UTP14A: variants seen among roughly 807,000 people sequenced by gnomAD.
UTP14A encodes the protein U3 small nucleolar RNA-associated protein 14 homolog A.
Under a neutral mutation model 57.2 loss-of-function variants are expected in UTP14A, and 5 were observed. That is an observed-to-expected ratio of 0.09 (90% confidence interval 0.05 to 0.18). The LOEUF (loss-of-function observed/expected upper bound fraction) is 0.18, where lower values mean the gene tolerates loss of function less well. UTP14A is among the 10% of genes least tolerant of loss of function. The pLI is 1.00. For synonymous variants in UTP14A, 169 were observed against 210.9 expected (o/e 0.80, Z 1.72); for missense variants, 430 against 562.1 (o/e 0.76, Z 2.38).
chrX:129,927,801 C>T (rs1930159199), intron 14 of UTP14A, among the ~76,000 whole-genome samples: 1 of 111,862 alleles, frequency 8.9e-6, no homozygotes, highest in Admixed American at 9.5e-5. Flanking sequence ...GCCACCGTAC[C>T]CTGCCAAAGA....
chrX:129,906,880 T>G (rs949815643), intron 1 of UTP14A, among the ~76,000 whole-genome samples: 1 of 111,305 alleles, frequency 9.0e-6, no homozygotes, highest in African/African-American at 3.3e-5. Context: ...ATAACACTTT[T>G]GATTAGGCTG....
chrX:129,916,942 A>G (rs889020128), intron 6 of UTP14A, among the ~76,000 whole-genome samples: 2 of 111,302 alleles, frequency 1.8e-5, no homozygotes, highest in African/African-American at 6.5e-5. Flanking sequence ...CCTCCCAATA[A>G]TATTTAATGG....
chrX:129,911,983 C>T, intron 6 of UTP14A, 62 bp downstream of exon 6: 1 of 1,163,543 alleles, frequency 8.6e-7, no homozygotes, highest in Non-Finnish European at 1.2e-6. Flanking sequence ...TCAGAGCCTG[C>T]AATTGATTTG....
chrX:129,928,048 G>A (rs1390185045), intron 14 of UTP14A, among the ~76,000 whole-genome samples: 1 of 110,149 alleles, frequency 9.1e-6, no homozygotes, highest in Non-Finnish European at 1.9e-5. Context: ...TCAATATCTA[G>A]GGCCTTCCAG....
At chrX:129,909,441 C>T (rs754228564) in intron 4 of UTP14A, among the ~76,000 whole-genome samples, 11 of 110,811 alleles carry the variant, frequency 9.9e-5, no homozygotes, top group South Asian at 7.6e-4. Flanking sequence ...GATCTCCTGA[C>T]CTCGTGATCC....
At chrX:129,910,919 C>A in intron 4 of UTP14A, 89 bp from the exon 5 acceptor site, 1 of 1,094,770 alleles carries the variant, frequency 9.1e-7, no homozygotes, top group Non-Finnish European at 1.2e-6. Context: ...TTGCCATCTA[C>A]TGGCATTTTC....
intron 6 of UTP14A, 113 bp downstream of exon 6, chrX:129,912,034 G>C: frequency 1.0e-6 from 1 of 958,422 alleles, no homozygotes; most frequent in South Asian, 2.5e-5. Flanking sequence ...AGTCATTTTA[G>C]CTTAGTGCTC....
At position 129,921,233 on chromosome X, in the gene UTP14A, G is replaced by C; in HGVS notation, c.994G>C (p.Glu332Gln). The change falls in exon 11 of 15, where the codon GAA (glutamate) becomes CAA (glutamine). Residue 332 changes from glutamate (E) to glutamine (Q), a missense_variant. This residue lies in a region of UTP14A where 83 missense variants were observed against 140.4 expected (regional missense o/e 0.59). Coordinates refer to ENST00000394422, the MANE Select transcript of UTP14A (RefSeq NM_006649.4). ...GCAGGAACAGTTGTCTAAGAACAAA[G>C]AACTGACACAGAAACTCCAGGTAGC... ...AMQEQLSKNK[E>Q]LTQKLQVASE... The C allele has an allele frequency of 8.3e-7, 1 of 1,210,708 alleles. No homozygotes were observed.
rs1248205277 is a variant in UTP14A at position 129,921,162 on chromosome X, C to T, written c.955-32C>T. 5.1e-6 allele frequency: 6 copies of T among 1,173,599 alleles called. No homozygotes were observed. The South Asian group carries it at 1.2e-4, about 23-fold the overall frequency. ...AAGGTGTTATTGCGGTCACTAATGACAGGGCTCTCATGCTGTGACTCTTTC... is the reference window on the plus strand; with the variant it reads ...AAGGTGTTATTGCGGTCACTAATGATAGGGCTCTCATGCTGTGACTCTTTC... On this transcript the variant is annotated intron_variant, in intron 10 of 14. Coordinates refer to ENST00000394422, the MANE Select transcript of UTP14A (RefSeq NM_006649.4).
chrX:129,908,987 T>G (rs756619573), intron 4 of UTP14A, among the ~76,000 whole-genome samples: 8 of 111,907 alleles, frequency 7.1e-5, no homozygotes, highest in Admixed American at 4.8e-4. Flanking sequence ...TGGACATGAA[T>G]AAAGACAGCT....
chrX:129,927,619 G>T (rs1056933536), intron 14 of UTP14A, among the ~76,000 whole-genome samples: 1 of 111,721 alleles, frequency 9.0e-6, no homozygotes, highest in African/African-American at 3.3e-5. Context: ...CTATTCTCGT[G>T]TCTCAGCCTC....
intron 6 of UTP14A, among the ~76,000 whole-genome samples, chrX:129,914,670 A>C (rs1403339380): frequency 1.8e-5 from 2 of 112,306 alleles, no homozygotes; most frequent in Non-Finnish European, 3.8e-5. Flanking sequence ...AGCTGCAAAT[A>C]ATTAAGTGGG....
At chrX:129,922,527 G>A (rs1190796724) in intron 11 of UTP14A, 1 of 111,098 alleles carries the variant, frequency 9.0e-6, no homozygotes, top group Non-Finnish European at 1.9e-5. Context: ...AGGCTCAAGC[G>A]ATCCTCTTGG....
At position 129,906,557 on chromosome X, in the gene UTP14A, G is replaced by C. The variant is rs186836051; in HGVS notation, c.26+321G>C. ...GTCGCGGCCCGATTTAATCCTCTGCGCAGGCAGTGCAGGCGTTATAAACTC... is the reference window on the plus strand; with the variant it reads ...GTCGCGGCCCGATTTAATCCTCTGCCCAGGCAGTGCAGGCGTTATAAACTC... On this transcript the variant is annotated intron_variant, in intron 1 of 14. Coordinates refer to ENST00000394422, the MANE Select transcript of UTP14A (RefSeq NM_006649.4). Among the ~76,000 whole-genome samples the C allele has an allele frequency of 4.7e-3, 519 of 110,374 alleles. 4 individuals are homozygous for C. Among genetic ancestry groups the C allele is most frequent in the African/African-American group, 0.016 (494 of 30,300 alleles).
intron 8 of UTP14A, among the ~76,000 whole-genome samples, chrX:129,920,121 G>A (rs760053892): frequency 5.4e-5 from 6 of 111,246 alleles, no homozygotes; most frequent in Non-Finnish European, 9.4e-5. Flanking sequence ...CCCAGCGGGT[G>A]GAGGCTGCAG....
intron 14 of UTP14A, among the ~76,000 whole-genome samples, chrX:129,926,854 C>T (rs776677724): frequency 7.2e-4 from 81 of 112,032 alleles, no homozygotes; most frequent in Non-Finnish European, 1.4e-3. Flanking sequence ...ATGTTCCCTT[C>T]AATTCTGAGA....
In UTP14A at chrX:129,926,050, A is replaced by G. The variant is rs1259929974; in HGVS notation, c.1881A>G (p.Thr627=). ...GTAAGCCAAAGGACGTGGACCTGAC[A>G]CTACCTGGCTGGGGCGAGTGGGGTG... The part of the protein sequence containing the change: ...EASKPKDVDL[T]LPGWGEWGGV... Residue 627 remains threonine (T), a synonymous_variant, in exon 13 of 15, where the codon ACA becomes ACG. Coordinates refer to ENST00000394422, the MANE Select transcript of UTP14A (RefSeq NM_006649.4). 1.7e-6 allele frequency: 2 copies of G among 1,210,342 alleles called. No individual in the cohort carries two copies. Among genetic ancestry groups the G allele is most frequent in the Middle Eastern group, 2.3e-4 (1 of 4,361 alleles).
At chrX:129,918,178 G>A (rs747756335) in intron 6 of UTP14A, among the ~76,000 whole-genome samples, 2 of 110,193 alleles carry the variant, frequency 1.8e-5, no homozygotes, top group South Asian at 7.8e-4. Flanking sequence ...TTGAGGCCAG[G>A]AGTTTAAGAC....
chrX:129,925,843 G>T, intron 12 of UTP14A, 76 bp from the exon 13 acceptor site: 2 of 1,153,159 alleles, frequency 1.7e-6, no homozygotes, highest in South Asian at 3.9e-5. Flanking sequence ...AAAATGTCAC[G>T]ACCCGAAATT....
Sources: allele counts gnomAD v4.1 joint callset (sites outside exome capture counted in the v4.1 genomes callset), GRCh38; gene constraint gnomAD v4.1.1; regional missense constraint gnomAD v4.1.1; transcripts MANE v1.5; gene names NCBI Gene and HGNC (gene_info 2026-07-23, HGNC 2026-07-21).